NCEH1: variants seen among roughly 807,000 people sequenced by gnomAD.
NCEH1 encodes 2-acetyl MAGE hydrolase.
A neutral mutation model predicts 25.4 loss-of-function variants in NCEH1; 9 were observed. The ratio of observed to expected loss-of-function variants is 0.35; its 90% CI spans 0.21 to 0.62. NCEH1 has a LOEUF of 0.62. Ranked by LOEUF, NCEH1 falls within the 20% of genes least tolerant of loss-of-function variation. NCEH1 has a pLI of 0.72. For synonymous variants in NCEH1, 200 were observed against 199.8 expected (o/e 1.00, Z -0.01); for missense variants, 412 against 501.1 (o/e 0.82, Z 1.70).
At chr3:172,706,010 CAAAAA>C (rs35383888) in intron 1 of NCEH1, among the ~76,000 whole-genome samples, 4 of 103,970 alleles carry the variant, frequency 3.8e-5, no homozygotes, top group Non-Finnish European at 5.5e-5. Context: ...CAACAACAAC[CAAAAA>C]AAAAAAAAAA....
chr3:172,648,107 AG>A lies in NCEH1; in HGVS notation c.145del (p.Leu49Ter). The A allele has an allele frequency of 1.9e-6, 3 of 1,614,130 alleles. No homozygotes were observed. The highest frequency in any genetic ancestry group is 2.5e-6 in the Non-Finnish European group (3 of 1,180,000). ...ATGGCTCAGTCCCAGGTAGTGGATCAGGTTACTCTGCAGGGCGAGGGAGGAA... is the reference window on the plus strand; with the variant it reads ...ATGGCTCAGTCCCAGGTAGTGGATCAGTTACTCTGCAGGGCGAGGGAGGAA... ...TFRGAQQVSN[L>X]IHYLGLSHHL... On this transcript the variant is annotated frameshift_variant, in exon 2 of 5. Transcript: ENST00000475381. LOFTEE classifies it high-confidence loss of function.
intron 1 of NCEH1, among the ~76,000 whole-genome samples, chr3:172,689,909 A>ATT (rs549736200): frequency 0.17 from 24,098 of 140,730 alleles, 2,319 homozygotes; most frequent in Non-Finnish European, 0.2. Flanking sequence ...TTATTTATTT[A>ATT]TTTTTTTTTT....
chr3:172,678,686 TA>T (rs143952458), intron 1 of NCEH1, among the ~76,000 whole-genome samples: 9,560 of 152,228 alleles, frequency 0.063, 528 homozygotes, highest in East Asian at 0.17. Context: ...TTCAAACATT[TA>T]AAAAATTTTT....
chr3:172,685,391 T>C (rs561696997), intron 1 of NCEH1, among the ~76,000 whole-genome samples: 68 of 152,322 alleles, frequency 4.5e-4, no homozygotes, highest in African/African-American at 1.5e-3. Context: ...TTCATACATC[T>C]TTCTTCAATA....
chr3:172,705,955 G>A (rs9857225), intron 1 of NCEH1, among the ~76,000 whole-genome samples: 17,173 of 140,586 alleles, frequency 0.12, 1,477 homozygotes, highest in African/African-American at 0.26. Context: ...CTGAGATCAC[G>A]CCACTGCACT....
chr3:172,645,614 A>C lies in NCEH1; in HGVS notation c.437+9T>G. The C allele has an allele frequency of 1.9e-6, 3 of 1,570,736 alleles. No individual in the cohort carries two copies. Among genetic ancestry groups the C allele is most frequent in the South Asian group, 2.3e-5 (2 of 87,056 alleles). ...GAAAAATTTTCTATGACTAGCATTA[A>C]TTACTTACTCAATGGAAACAATGAC... On this transcript the variant is annotated intron_variant, in intron 3 of 4. Transcript: ENST00000475381.
At chr3:172,667,353 TC>T (rs987873372) in intron 1 of NCEH1, among the ~76,000 whole-genome samples, 26 of 152,326 alleles carry the variant, frequency 1.7e-4, no homozygotes, top group African/African-American at 6.3e-4. Context: ...TAGCAGGCAA[TC>T]TAGCACACTA....
rs144235435 is a variant in NCEH1, at chr3:172,683,749, T to A, written c.138+27098A>T. On this transcript the variant is annotated intron_variant, in intron 1 of 4. Coordinates refer to ENST00000475381, the MANE Select transcript of NCEH1 (RefSeq NM_020792.6). Reference sequence around the variant, plus strand: ...ATAAATAAAGGTGTGCATAATCAAATTTAACTGCTTGATAGGCTGGCATAT... The same window carrying A: ...ATAAATAAAGGTGTGCATAATCAAAATTAACTGCTTGATAGGCTGGCATAT... Among the ~76,000 whole-genome samples the A allele has an allele frequency of 3.0e-3, 461 of 152,336 alleles. 8 individuals are homozygous for A. Among genetic ancestry groups the A allele is most frequent in the Admixed American group, 0.026 (404 of 15,298 alleles).
intron 1 of NCEH1, among the ~76,000 whole-genome samples, chr3:172,673,584 A>G (rs1254263540): frequency 6.6e-6 from 1 of 152,242 alleles, no homozygotes; most frequent in African/African-American, 2.4e-5. Context: ...CCTATAAAAT[A>G]TTACCAGGAA....
intron 1 of NCEH1, among the ~76,000 whole-genome samples, chr3:172,697,728 T>C (rs2108534219): frequency 6.6e-6 from 1 of 152,234 alleles, no homozygotes; most frequent in East Asian, 1.9e-4. Context: ...GACTGTTGAA[T>C]GTAGTTCAAA....
At chr3:172,679,635 C>T (rs543642607) in intron 1 of NCEH1, among the ~76,000 whole-genome samples, 18 of 151,824 alleles carry the variant, frequency 1.2e-4, no homozygotes, top group Non-Finnish European at 2.4e-4. Flanking sequence ...TAAAGGTTCT[C>T]GGTGGAAATT....
chr3:172,706,009 CCAA>C lies in NCEH1; in HGVS notation c.138+4835_138+4837del, dbSNP rs1713960514. Among the ~76,000 whole-genome samples the C allele has an allele frequency of 9.0e-5, 4 of 44,674 alleles. No homozygotes were observed. In the South Asian group the frequency reaches 3.1e-3, roughly 35 times the overall value. 29.3% of individuals were successfully genotyped at this position (44,674 alleles called of 152,430 possible). On this transcript the variant is annotated intron_variant, in intron 1 of 4. Transcript: ENST00000475381. ...TGAGACTCCATCTCAACAACAACAACCAAAAAAAAAAAAAAAAAAAAAACCCAT... is the reference window on the plus strand; with the variant it reads ...TGAGACTCCATCTCAACAACAACAACAAAAAAAAAAAAAAAAAAAACCCAT...
intron 1 of NCEH1, among the ~76,000 whole-genome samples, chr3:172,689,528 T>C (rs1294319844): frequency 1.3e-5 from 2 of 151,144 alleles, no homozygotes; most frequent in Non-Finnish European, 2.9e-5. Context: ...ATTACAGGCA[T>C]GAGCCACCAC....
chr3:172,705,866 C>T (rs1431251301), intron 1 of NCEH1, among the ~76,000 whole-genome samples: 1 of 152,052 alleles, frequency 6.6e-6, no homozygotes, highest in East Asian at 1.9e-4. Context: ...GGCATGGTGG[C>T]GGGCACCTGT....
intron 1 of NCEH1, among the ~76,000 whole-genome samples, chr3:172,656,657 T>G (rs1165981422): frequency 6.6e-6 from 1 of 152,060 alleles, no homozygotes; most frequent in African/African-American, 2.4e-5. Flanking sequence ...TCCCAGCTAC[T>G]CGGGAGGCTG....
intron 1 of NCEH1, among the ~76,000 whole-genome samples, chr3:172,662,854 C>A (rs1308608562): frequency 9.2e-6 from 1 of 108,738 alleles, no homozygotes; most frequent in Non-Finnish European, 1.7e-5. Context: ...ATTCTTCTCT[C>A]TTTTCTTATT....
chr3:172,676,668 A>T (rs1191235155), intron 1 of NCEH1, among the ~76,000 whole-genome samples: 1 of 151,994 alleles, frequency 6.6e-6, no homozygotes, highest in Non-Finnish European at 1.5e-5. Flanking sequence ...TCTCTTGCCT[A>T]ATAAACTCTC....
intron 1 of NCEH1, among the ~76,000 whole-genome samples, chr3:172,677,872 G>T (rs951493400): frequency 2.6e-5 from 4 of 152,248 alleles, no homozygotes; most frequent in Non-Finnish European, 5.9e-5. Flanking sequence ...AGCCTGCAGT[G>T]AGCTGAGATC....
chr3:172,639,149 A>T (rs1716735492), intron 3 of NCEH1, among the ~76,000 whole-genome samples: 1 of 151,902 alleles, frequency 6.6e-6, no homozygotes, highest in Non-Finnish European at 1.5e-5. Context: ...AAATACAAAA[A>T]TTGCTGGGTG....
Sources: allele counts gnomAD v4.1 joint callset (sites outside exome capture counted in the v4.1 genomes callset), GRCh38; gene constraint gnomAD v4.1.1; transcripts MANE v1.5; gene names NCBI Gene and HGNC (gene_info 2026-07-23, HGNC 2026-07-21).